TMSB15B: variants seen among roughly 807,000 people sequenced by gnomAD.
The protein encoded by TMSB15B is thymosin beta-15B.
intron 1 of TMSB15B, among the ~76,000 whole-genome samples, chrX:103,949,103 TG>T (rs1300752475): frequency 5.4e-5 from 6 of 110,863 alleles, no homozygotes; most frequent in Non-Finnish European, 9.4e-5. Context: ...GACATTGCTA[TG>T]GTCCTATGGC....
intron 1 of TMSB15B, chrX:103,932,004 T>TGGTGACCCAAGGAGGGC (rs1472153175): frequency 1.8e-5 from 2 of 111,738 alleles, no homozygotes; most frequent in Non-Finnish European, 3.8e-5. Flanking sequence ...TCCTGGAGGG[T>TGGTGACCCAAGGAGGGC]GGTGACCCAA....
At chrX:103,931,801 A>C (rs1361016852) in intron 1 of TMSB15B, 2 of 111,935 alleles carry the variant, frequency 1.8e-5, no homozygotes, top group Non-Finnish European at 3.8e-5. Flanking sequence ...GTCACCAGAG[A>C]GACCAAGGCG....
intron 1 of TMSB15B, among the ~76,000 whole-genome samples, chrX:103,936,489 A>T (rs1228055331): frequency 8.9e-6 from 1 of 112,125 alleles, no homozygotes; most frequent in Non-Finnish European, 1.9e-5. Flanking sequence ...ATTTTTGCAC[A>T]TTGATTTTGT....
At chrX:103,930,430 T>C (rs1169822459) in intron 1 of TMSB15B, among the ~76,000 whole-genome samples, 1 of 111,341 alleles carries the variant, frequency 9.0e-6, no homozygotes, top group Non-Finnish European at 1.9e-5. Flanking sequence ...ACTAATCTCA[T>C]GTGACCCTGT....
chrX:103,952,201 A>C (rs782747200), intron 1 of TMSB15B, among the ~76,000 whole-genome samples: 1 of 111,499 alleles, frequency 9.0e-6, no homozygotes, highest in Non-Finnish European at 1.9e-5. Context: ...CTAGCTTTAG[A>C]ATGATCGATA....
chrX:103,919,585 G>C (rs2074945420), intron 1 of TMSB15B: 1 of 111,675 alleles, frequency 9.0e-6, no homozygotes, highest in Non-Finnish European at 1.9e-5. Context: ...AGGAAGTGCA[G>C]AGCTAAGAGC....
intron 1 of TMSB15B, among the ~76,000 whole-genome samples, chrX:103,942,292 G>C (rs1556325592): frequency 9.0e-6 from 1 of 111,412 alleles, no homozygotes; most frequent in African/African-American, 3.3e-5. Context: ...TGATTTTCAT[G>C]TAGAATATGA....
chrX:103,938,778 G>A (rs1452647059), intron 1 of TMSB15B, among the ~76,000 whole-genome samples: 6 of 111,831 alleles, frequency 5.4e-5, no homozygotes, highest in African/African-American at 2.0e-4. Flanking sequence ...GTTTGTTTTT[G>A]CAGTGGCTGG....
At position 103,950,200 on chromosome X, in the gene TMSB15B, C is replaced by T. The variant is rs145082830; in HGVS notation, c.-720-11821C>T. Among the ~76,000 whole-genome samples, 11 of 111,160 alleles carry T rather than the reference C, an allele frequency of 9.9e-5. No homozygotes were observed. The East Asian group carries it at 2.8e-3, about 28-fold the overall frequency. ...AGAATGGGAGGAGGAAAATTGAGGA[C>T]ATTGAATAGAGACCACTATTACAAA... is the stretch of plus-strand genomic sequence containing the variant. On this transcript the variant is annotated intron_variant, in intron 1 of 3. Transcript: ENST00000419165.
At chrX:103,935,980 G>A (rs2074996780) in intron 1 of TMSB15B, among the ~76,000 whole-genome samples, 1 of 107,754 alleles carries the variant, frequency 9.3e-6, no homozygotes, top group African/African-American at 3.4e-5. Context: ...CCAAGAAGCT[G>A]GGATTACAGG....
intron 1 of TMSB15B, among the ~76,000 whole-genome samples, chrX:103,924,693 A>G (rs1317110151): frequency 1.8e-5 from 2 of 111,520 alleles, no homozygotes; most frequent in African/African-American, 3.3e-5. Context: ...GATGTCCCCA[A>G]TGAACAGACA....
intron 1 of TMSB15B, among the ~76,000 whole-genome samples, chrX:103,930,725 G>GATA (rs10681462): frequency 0.18 from 16,283 of 92,791 alleles, 1,324 homozygotes; most frequent in Admixed American, 0.25. Context: ...TGATGCTGTT[G>GATA]ATAATAATAA....
intron 1 of TMSB15B, among the ~76,000 whole-genome samples, chrX:103,947,721 A>G (rs1339180059): frequency 8.9e-6 from 1 of 112,026 alleles, no homozygotes; most frequent in East Asian, 2.8e-4. Flanking sequence ...TTGCTGACCA[A>G]TAATTAGATA....
intron 1 of TMSB15B, among the ~76,000 whole-genome samples, chrX:103,925,642 C>T (rs1556318691): frequency 3.6e-5 from 4 of 111,945 alleles, no homozygotes; most frequent in Non-Finnish European, 7.5e-5. Context: ...CTAAAGGTCA[C>T]ACATCAAGTT....
chrX:103,938,784 G>A (rs1377882936), intron 1 of TMSB15B, among the ~76,000 whole-genome samples: 2 of 111,929 alleles, frequency 1.8e-5, no homozygotes, highest in African/African-American at 6.5e-5. Flanking sequence ...TTTTGCAGTG[G>A]CTGGTACCAG....
chrX:103,955,394 A>T (rs781848448), intron 1 of TMSB15B, among the ~76,000 whole-genome samples: 7 of 110,768 alleles, frequency 6.3e-5, no homozygotes, highest in South Asian at 3.8e-4. Flanking sequence ...AGAAATCATG[A>T]TAAAATATCA....
At chrX:103,932,424 T>C (rs2147819202) in intron 1 of TMSB15B, 1 of 112,303 alleles carries the variant, frequency 8.9e-6, no homozygotes, top group Admixed American at 9.4e-5. Flanking sequence ...TATTCTTTGT[T>C]GATTGCCGTG....
intron 1 of TMSB15B, among the ~76,000 whole-genome samples, chrX:103,936,227 T>C (rs1387880661): frequency 2.7e-5 from 3 of 111,729 alleles, no homozygotes; most frequent in Non-Finnish European, 5.6e-5. Flanking sequence ...ATTGAACCTA[T>C]AAACTACTTT....
chrX:103,928,715 G>T lies in TMSB15B; in HGVS notation c.-721+9423G>T. On this transcript the variant is annotated intron_variant, in intron 1 of 3. Coordinates refer to the TMSB15B transcript ENST00000419165. The stretch of plus-strand genomic sequence containing the variant: ...ATGCAGGATGGCCTGGCAGAGCAAG[G>T]CCTGGCCCATTGGGTTCCTGCCTTG... 3 of 1,160,471 alleles carry T rather than the reference G, an allele frequency of 2.6e-6. No individual in the cohort carries two copies. The South Asian group carries it at 5.5e-5, about 21-fold the overall frequency.
Sources: allele counts gnomAD v4.1 joint callset (sites outside exome capture counted in the v4.1 genomes callset), GRCh38; gene constraint gnomAD v4.1.1; transcripts MANE v1.5; gene names NCBI Gene and HGNC (gene_info 2026-07-23, HGNC 2026-07-21).